NDUFS8: variants seen among roughly 807,000 people sequenced by gnomAD.
NDUFS8 encodes NADH:ubiquinone oxidoreductase core subunit S8, also known as NADH dehydrogenase [ubiquinone] iron-sulfur protein 8, mitochondrial.
In NDUFS8, 13 loss-of-function variants were observed where a neutral mutation model predicts 25.6. The observed-to-expected ratio is 0.51, with a 90% CI of 0.33 to 0.81. NDUFS8 has a LOEUF of 0.81. Among genes scored for constraint, NDUFS8 ranks in the 30% least tolerant of loss-of-function variants. NDUFS8 has a pLI of 0.02. For missense variants in NDUFS8, 257 were observed against 300.9 expected, an observed-to-expected ratio of 0.85 and a Z score of 1.08; for synonymous variants, 119 against 119.4, an observed-to-expected ratio of 1.00 and a Z score of 0.02.
chr11:68,036,047 C>T (rs1854882665), intron 5 of NDUFS8: 1 of 607,042 alleles, frequency 1.6e-6, no homozygotes, highest in South Asian at 2.0e-5. Flanking sequence ...AAAAAACCAG[C>T]AAGGCAGGGA....
At chr11:68,032,366 G>T (rs1281704356) in intron 3 of NDUFS8, 30 bp downstream of exon 3, 3 of 1,612,820 alleles carry the variant, frequency 1.9e-6, no homozygotes, top group Non-Finnish European at 2.5e-6. Context: ...CTAGCCTCAG[G>T]TGTTCCTGAC....
rs1854804470 is a variant in NDUFS8, at chr11:68,033,096, C to T, written c.200-15C>T. On this transcript the variant is annotated splice_polypyrimidine_tract_variant and intron_variant, in intron 4 of 6. Transcript: ENST00000313468. ...AGGAGGGTGCCCCTGCCCACCACAC[C>T]CGTGCTGCCCACAGGCCTGGGCATG... 17 of 1,613,062 alleles carry T rather than the reference C, an allele frequency of 1.1e-5. No homozygotes were observed. Among genetic ancestry groups the T allele is most frequent in the African/African-American group, 1.3e-5 (1 of 75,036 alleles).
In NDUFS8 at chr11:68,030,992, A is replaced by C. The variant is rs766665936; in HGVS notation, c.-1+259A>C. On this transcript the variant is annotated intron_variant, in intron 1 of 6. Coordinates refer to ENST00000313468, the MANE Select transcript of NDUFS8 (RefSeq NM_002496.4). ...GAAGGTGCTGGGTTGGGTCCCTGGAACTGCAGTCAGTGATCCAAAGGAGTG... is the reference window on the plus strand; with the variant it reads ...GAAGGTGCTGGGTTGGGTCCCTGGACCTGCAGTCAGTGATCCAAAGGAGTG... 9.9e-6 allele frequency: 4 copies of C among 403,060 alleles called. No individual in the cohort carries two copies. In the East Asian group the frequency reaches 3.5e-4, roughly 36 times the overall value. The allele number at this position is 403,060 out of a possible 1,614,324, so 25.0% of individuals were successfully genotyped here.
intron 1 of NDUFS8, 51 bp from the exon 2 acceptor site, chr11:68,032,101 G>T (rs753141419): frequency 6.2e-7 from 1 of 1,611,140 alleles, no homozygotes; most frequent in Non-Finnish European, 8.5e-7. Flanking sequence ...AGTCTCAGAA[G>T]AGGATGGTTC....
chr11:68,033,619 T>G lies in NDUFS8; in HGVS notation c.372+336T>G, dbSNP rs143405903. 1,355 of 394,518 alleles carry G rather than the reference T, an allele frequency of 3.4e-3. 5 individuals are homozygous for G. The highest frequency in any genetic ancestry group is 0.032 in the Middle Eastern group (44 of 1,376). 24.4% of individuals were successfully genotyped at this position (394,518 alleles called of 1,614,324 possible). On this transcript the variant is annotated intron_variant, in intron 5 of 6. Transcript: ENST00000313468. Reference sequence around the variant, plus strand: ...CGCCTCCCTGGATGTAGCCACCGTTTCCGGAGTCCTGCTTGTGTGCCTGTT... The same window carrying G: ...CGCCTCCCTGGATGTAGCCACCGTTGCCGGAGTCCTGCTTGTGTGCCTGTT...
intron 1 of NDUFS8, chr11:68,031,141 C>A: frequency 3.7e-6 from 1 of 273,484 alleles, no homozygotes; most frequent in Non-Finnish European, 7.4e-6. Flanking sequence ...GCCCCCAACC[C>A]ACTTCATAGG....
At chr11:68,035,608 T>C (rs1402271234) in intron 5 of NDUFS8, 1 of 368,004 alleles carries the variant, frequency 2.7e-6, no homozygotes, top group East Asian at 9.6e-5. Flanking sequence ...GGCGGGACTG[T>C]AACTCAGCAC....
At position 68,033,131 on chromosome 11, in the gene NDUFS8, T is replaced by A. The variant is rs767382983; in HGVS notation, c.220T>A (p.Tyr74Asn). Residue 74 changes from tyrosine (Y) to asparagine (N), a missense_variant, in exon 5 of 7, where the codon TAC becomes AAC. Physicochemically the swap from Tyr to Asn is moderately radical, Grantham distance 143. Transcript: ENST00000313468. ...CACAGGCCTGGGCATGACCCTGAGCTACCTGTTCCGGGAACCGGCCACCAT... is the reference window on the plus strand; with the variant it reads ...CACAGGCCTGGGCATGACCCTGAGCAACCTGTTCCGGGAACCGGCCACCAT... ...LFRGLGMTLS[Y>N]LFREPATINY... The A allele has an allele frequency of 6.2e-7, 1 of 1,612,948 alleles. No individual in the cohort carries two copies. Among genetic ancestry groups the A allele is most frequent in the Admixed American group, 1.7e-5 (1 of 59,978 alleles).
chr11:68,033,947 C>T (rs114255089), intron 5 of NDUFS8: 3 of 160,288 alleles, frequency 1.9e-5, no homozygotes, highest in African/African-American at 4.8e-5. Context: ...GATGTCTCTA[C>T]TCCAGCCACG....
intron 5 of NDUFS8, chr11:68,034,783 A>AC (rs1237681258): frequency 7.0e-6 from 1 of 142,368 alleles, no homozygotes; most frequent in African/African-American, 2.7e-5. Context: ...AAAAAAAAAA[A>AC]ATTAGGGCCG....
At chr11:68,030,970 G>A (rs1459309950) in intron 1 of NDUFS8, 1 of 431,586 alleles carries the variant, frequency 2.3e-6, no homozygotes, top group Non-Finnish European at 4.7e-6. Flanking sequence ...AGGTGGGGAA[G>A]GTGCTGGGTT....
chr11:68,034,521 G>C (rs1291919150), intron 5 of NDUFS8: 2 of 152,194 alleles, frequency 1.3e-5, no homozygotes, highest in Non-Finnish European at 1.5e-5. Flanking sequence ...GCATTTAAAA[G>C]TTAGATTTAG....
chr11:68,032,212 A>G lies in NDUFS8; in HGVS notation c.58+3A>G, dbSNP rs779573919. ...CCTGGCCCAGGCTGCACGTGCAGGT[A>G]GGACCAAAGAAGCCTTTGCTGGGGG... On this transcript the variant is annotated splice_donor_region_variant and intron_variant, in intron 2 of 6. Coordinates refer to ENST00000313468, the MANE Select transcript of NDUFS8 (RefSeq NM_002496.4). The G allele has an allele frequency of 3.1e-6, 5 of 1,613,418 alleles. No homozygotes were observed. In the Admixed American group the frequency reaches 5.0e-5, roughly 16 times the overall value.
intron 1 of NDUFS8, among the ~76,000 whole-genome samples, chr11:68,031,371 A>G (rs748367107): frequency 1.3e-5 from 2 of 152,042 alleles, no homozygotes; most frequent in African/African-American, 4.8e-5. Context: ...TTTTGAGACA[A>G]GGTCTCACTC....
At chr11:68,034,774 A>G (rs1206064264) in intron 5 of NDUFS8, 1 of 151,232 alleles carries the variant, frequency 6.6e-6, no homozygotes, top group East Asian at 1.9e-4. Flanking sequence ...AATTGAAAAA[A>G]AAAAAAAAAA....
chr11:68,032,235 G>A lies in NDUFS8; in HGVS notation c.58+26G>A, dbSNP rs551598944. 523 of 1,613,746 alleles carry A rather than the reference G, an allele frequency of 3.2e-4. 4 individuals are homozygous for A. In the South Asian group the frequency reaches 3.6e-3, roughly 11 times the overall value. ...GTAGGACCAAAGAAGCCTTTGCTGG[G>A]GGTAGGGGAGTCCAGTCTCCTGGTA... On this transcript the variant is annotated intron_variant, in intron 2 of 6. Transcript: ENST00000313468.
chr11:68,034,595 T>A (rs1854843236), intron 5 of NDUFS8: 1 of 147,116 alleles, frequency 6.8e-6, no homozygotes, highest in African/African-American at 2.5e-5. Flanking sequence ...GGCGGATCAC[T>A]TGAGGTCAAG....
At chr11:68,033,931 G>A (rs1032959227) in intron 5 of NDUFS8, 22 of 161,332 alleles carry the variant, frequency 1.4e-4, no homozygotes, top group Middle Eastern at 5.1e-4. Flanking sequence ...CATGAGCTGC[G>A]GCCCTGATGT....
At position 68,032,926 on chromosome 11, in the gene NDUFS8, A is replaced by G. The variant is rs1266745896; in HGVS notation, c.113A>G (p.Tyr38Cys). The G allele has an allele frequency of 3.1e-6, 5 of 1,613,804 alleles. No individual in the cohort carries two copies. The highest frequency in any genetic ancestry group is 2.2e-5 in the East Asian group (1 of 44,882). Residue 38 changes from tyrosine (Y) to cysteine (C), a missense_variant, in exon 4 of 7, where the codon TAT (tyrosine) becomes TGT (cysteine). By Grantham distance (194) the Tyr-to-Cys change is radical. Transcript: ENST00000313468. ...CTCCCTGCCCGCCTCTCTGCAGAGT[A>G]TGTGAACATGCAGGATCCCGAGATG... is the stretch of plus-strand genomic sequence containing the variant. ...HSSAVAATYK[Y>C]VNMQDPEMDM...
Sources: gnomAD v4.1 joint callset for allele counts (sites outside exome capture counted in the v4.1 genomes callset) on GRCh38, gnomAD v4.1.1 for gene constraint, MANE v1.5 for transcripts, NCBI Gene and HGNC (gene_info 2026-07-23, HGNC 2026-07-21) for gene names.